Variants in DBF4 observed in about 807,000 individuals in gnomAD.
DBF4 encodes the protein DBF4-CDC7 kinase regulatory subunit.
A neutral mutation model predicts 76.6 loss-of-function variants in DBF4; 25 were observed. That is an observed-to-expected ratio of 0.33 (90% CI 0.24 to 0.46). The LOEUF (loss-of-function observed/expected upper bound fraction) is 0.46, where lower values mean the gene tolerates loss of function less well. DBF4 is among the 20% of genes least tolerant of loss of function. DBF4 has a pLI of 1.00. For missense variants in DBF4, 638 were observed against 760.8 expected, an observed-to-expected ratio of 0.84 and a Z score of 1.90; for synonymous variants, 213 against 258.0, an observed-to-expected ratio of 0.83 and a Z score of 1.67.
intron 6 of DBF4, among the ~76,000 whole-genome samples, chr7:87,889,243 C>T (rs1305553303): frequency 6.6e-6 from 1 of 150,650 alleles, no homozygotes; most frequent in Non-Finnish European, 1.5e-5. Context: ...AATTATTTGG[C>T]AAGACTGAAA....
chr7:87,904,350 A>C lies in DBF4; in HGVS notation c.983A>C (p.Asp328Ala). The change falls in exon 11 of 12, where the codon GAT becomes GCT. Residue 328 changes from aspartate to alanine, a missense_variant. Transcript: ENST00000265728. ...CAGAGTAACCAGTATCAAGTTGTTG[A>C]TGATATTGTATCTAAGTTAGTTTTT... ...FAQSNQYQVV[D>A]DIVSKLVFDF... The C allele has an allele frequency of 4.3e-6, 7 of 1,613,930 alleles. No homozygotes were observed. Among genetic ancestry groups the C allele is most frequent in the Non-Finnish European group, 5.9e-6 (7 of 1,179,878 alleles).
chr7:87,878,152 A>C lies in DBF4; in HGVS notation c.146A>C (p.Lys49Thr). ...TCCAAATGTAAGCCACTTTGGGGAA[A>C]AGTATTTTACCTTGACTTACCTTCT... is the stretch of plus-strand genomic sequence containing the variant. ...EKSKCKPLWG[K>T]VFYLDLPSVT... The change falls in exon 2 of 12, where the codon AAA (lysine) becomes ACA (threonine). Residue 49 changes from lysine to threonine, a missense_variant. By Grantham distance (78) the Lys-to-Thr change is moderately conservative. Transcript: ENST00000265728. The C allele has an allele frequency of 6.2e-7, 1 of 1,613,556 alleles. No individual in the cohort carries two copies.
chr7:87,903,939 G>A lies in DBF4; in HGVS notation c.925-353G>A, dbSNP rs369166268. Among the ~76,000 whole-genome samples the A allele has an allele frequency of 3.9e-4, 60 of 152,058 alleles. No individual in the cohort carries two copies. The East Asian group carries it at 5.0e-3, about 13-fold the overall frequency. Reference sequence around the variant, plus strand: ...TCAAACTCCTGACCTCGGGTGATCCGCCCACCTCGGCCTCCCAGAGTGCTG... The same window carrying A: ...TCAAACTCCTGACCTCGGGTGATCCACCCACCTCGGCCTCCCAGAGTGCTG... On this transcript the variant is annotated intron_variant, in intron 10 of 11. Coordinates refer to ENST00000265728, the MANE Select transcript of DBF4 (RefSeq NM_006716.4).
At chr7:87,877,177 C>T (rs1322449639) in intron 1 of DBF4, among the ~76,000 whole-genome samples, 1 of 152,184 alleles carries the variant, frequency 6.6e-6, no homozygotes, top group Non-Finnish European at 1.5e-5. Flanking sequence ...CGTGGCTTTT[C>T]GCTTCAGGAT....
chr7:87,878,204 G>A lies in DBF4; in HGVS notation c.198G>A (p.Lys66=). The A allele has an allele frequency of 6.2e-7, 1 of 1,610,602 alleles. No homozygotes were observed. The highest frequency in any genetic ancestry group is 1.7e-4 in the Middle Eastern group (1 of 6,010). Residue 66 remains lysine (K), a synonymous_variant, in exon 2 of 12, where the codon AAG becomes AAA. Transcript: ENST00000265728. The part of the protein sequence containing the change: ...PSVTISEKLQ[K]DIKDLGGRVE... ...TCACCATATCTGAAAAACTTCAAAA[G>A]GACATTAAGGATCTGGGAGGGGTAA...
chr7:87,887,736 T>C (rs932025856), intron 5 of DBF4, among the ~76,000 whole-genome samples: 5 of 152,110 alleles, frequency 3.3e-5, no homozygotes, highest in Non-Finnish European at 7.4e-5. Flanking sequence ...TATAAAGATA[T>C]CAGGTCCACT....
chr7:87,889,685 C>A (rs1270152152), intron 6 of DBF4, among the ~76,000 whole-genome samples: 1 of 151,980 alleles, frequency 6.6e-6, no homozygotes, highest in African/African-American at 2.4e-5. Flanking sequence ...AATAAATTCA[C>A]GTTTATATAA....
Position 87,907,688 on chromosome 7 carries a change from A to T in DBF4, c.1550A>T (p.Asp517Val). 6.2e-7 allele frequency: 1 copy of T among 1,614,090 alleles called. No individual in the cohort carries two copies. The highest frequency in any genetic ancestry group is 1.7e-5 in the Admixed American group (1 of 60,024). ...KSDTVLFPAK[D>V]LKEKDLHSIF... ...GATACTGTGCTTTTTCCAGCAAAGG[A>T]TCTCAAGGAAAAGGACCTTCATTCA... The change falls in exon 12 of 12, where the codon GAT (aspartate) becomes GTT (valine). Residue 517 changes from aspartate to valine, a missense_variant. Coordinates refer to ENST00000265728, the MANE Select transcript of DBF4 (RefSeq NM_006716.4).
intron 10 of DBF4, among the ~76,000 whole-genome samples, chr7:87,901,569 T>G (rs1158603927): frequency 6.6e-6 from 1 of 152,146 alleles, no homozygotes; most frequent in Non-Finnish European, 1.5e-5. Flanking sequence ...GCTTATTATT[T>G]ATAATGGGAA....
At chr7:87,906,785 A>G (rs1028340857) in intron 11 of DBF4, among the ~76,000 whole-genome samples, 3 of 152,204 alleles carry the variant, frequency 2.0e-5, no homozygotes, top group Admixed American at 6.5e-5. Context: ...ATGTGCATTA[A>G]TGTAAATCAA....
At chr7:87,895,442 G>A (rs991403542) in intron 6 of DBF4, among the ~76,000 whole-genome samples, 6 of 152,180 alleles carry the variant, frequency 3.9e-5, no homozygotes, top group African/African-American at 1.4e-4. Flanking sequence ...TCTAAATGTT[G>A]TGTAGGCCCT....
chr7:87,884,579 ATTAAG>A (rs1839296870), intron 2 of DBF4, among the ~76,000 whole-genome samples: 2 of 152,220 alleles, frequency 1.3e-5, no homozygotes, highest in South Asian at 2.1e-4. Context: ...TGTTCCATAG[ATTAAG>A]TTAATTAACA....
chr7:87,885,999 T>C (rs1367307644), intron 3 of DBF4, among the ~76,000 whole-genome samples: 2 of 152,166 alleles, frequency 1.3e-5, no homozygotes, highest in African/African-American at 2.4e-5. Flanking sequence ...TCGACTTACC[T>C]ATTATAGCCA....
chr7:87,889,187 T>C (rs191465498), intron 6 of DBF4, among the ~76,000 whole-genome samples: 8 of 152,280 alleles, frequency 5.3e-5, no homozygotes, highest in African/African-American at 1.9e-4. Flanking sequence ...AGTAACCTGA[T>C]TGGATAGTCA....
intron 2 of DBF4, among the ~76,000 whole-genome samples, chr7:87,879,253 T>A (rs989775112): frequency 1.3e-5 from 2 of 152,186 alleles, no homozygotes; most frequent in Admixed American, 1.3e-4. Flanking sequence ...CCCAGCCGAT[T>A]CCCAGACTAG....
chr7:87,878,002 AAATAGT>A (rs1276996497), intron 1 of DBF4, 45 bp from the exon 2 acceptor site: 1 of 1,341,258 alleles, frequency 7.5e-7, no homozygotes, highest in Admixed American at 2.3e-5. Context: ...AATATTTTAA[AAATAGT>A]AAAAGTGTCT....
chr7:87,886,513 C>T (rs957088322), intron 3 of DBF4, among the ~76,000 whole-genome samples: 2 of 121,842 alleles, frequency 1.6e-5, no homozygotes, highest in African/African-American at 3.3e-5. Context: ...CTAGCTTGAG[C>T]GACACAGCAA....
intron 2 of DBF4, among the ~76,000 whole-genome samples, chr7:87,883,048 A>C (rs553627580): frequency 6.6e-6 from 1 of 152,162 alleles, no homozygotes; most frequent in Non-Finnish European, 1.5e-5. Flanking sequence ...CAACAAGTAA[A>C]TAGATAAAGA....
intron 6 of DBF4, among the ~76,000 whole-genome samples, chr7:87,888,703 CT>C (rs1307109836): frequency 6.6e-6 from 1 of 152,232 alleles, no homozygotes; most frequent in Non-Finnish European, 1.5e-5. Context: ...CAGATCTCTA[CT>C]TTTATACTTC....
Sources: allele counts gnomAD v4.1 joint callset (sites outside exome capture counted in the v4.1 genomes callset), GRCh38; gene constraint gnomAD v4.1.1; transcripts MANE v1.5; gene names NCBI Gene and HGNC (gene_info 2026-07-23, HGNC 2026-07-21).